The following MAGI2 variants were observed in gnomAD, a reference collection of about 807,000 sequenced individuals.
The protein encoded by MAGI2 is membrane-associated guanylate kinase, WW and PDZ domain-containing protein 2.
In MAGI2, 35 loss-of-function variants were observed where a neutral mutation model predicts 133.3. That is an observed-to-expected ratio of 0.26 (90% confidence interval 0.20 to 0.35). The LOEUF is 0.35. Ranked by LOEUF, MAGI2 falls within the 10% of genes least tolerant of loss-of-function variation. The pLI is 1.00. For missense variants in MAGI2, 1,636 were observed against 1,863.4 expected (o/e 0.88, Z 2.25); for synonymous variants, 729 against 710.6 (o/e 1.03, Z -0.41).
rs3972360 is a variant in MAGI2, at chr7:78,177,418, G to GCA, written c.2403+591_2403+592dup. 3.5e-3 allele frequency among the ~76,000 whole-genome samples: 420 copies of GCA among 120,336 alleles called. 1 individual carries two copies. Among genetic ancestry groups the GCA allele is most frequent in the African/African-American group, 0.01 (335 of 33,296 alleles). 78.9% of individuals were successfully genotyped at this position (120,336 alleles called of 152,430 possible). On this transcript the variant is annotated intron_variant, in intron 14 of 21. Transcript: ENST00000354212. ...ATTTTATGTTTCACTGTGAATACGC[G>GCA]CACACACACACACACACACACACAC...
chr7:78,634,930 ATTAT>A (rs1336346140), intron 2 of MAGI2, among the ~76,000 whole-genome samples: 5 of 152,110 alleles, frequency 3.3e-5, no homozygotes, highest in Admixed American at 1.3e-4. Flanking sequence ...TTTTATTCTT[ATTAT>A]TTATTCCAGA....
intron 9 of MAGI2, chr7:78,285,614 G>T (rs768711731): frequency 7.9e-5 from 12 of 152,104 alleles, no homozygotes; most frequent in Non-Finnish European, 1.3e-4. Flanking sequence ...GCCCATGGTC[G>T]CCAGAGTTCT....
At chr7:79,317,553 C>T (rs893616176) in intron 1 of MAGI2, among the ~76,000 whole-genome samples, 1 of 152,124 alleles carries the variant, frequency 6.6e-6, no homozygotes, top group African/African-American at 2.4e-5. Flanking sequence ...TCAGGGATAT[C>T]AAAGTAATCA....
At chr7:78,460,844 C>T (rs1400902423) in intron 6 of MAGI2, among the ~76,000 whole-genome samples, 1 of 152,070 alleles carries the variant, frequency 6.6e-6, no homozygotes, top group Non-Finnish European at 1.5e-5. Context: ...TATGTAAGTC[C>T]TCAATAAACC....
intron 2 of MAGI2, among the ~76,000 whole-genome samples, chr7:78,733,319 C>CTG (rs1821545547): frequency 6.6e-6 from 1 of 152,150 alleles, no homozygotes; most frequent in African/African-American, 2.4e-5. Flanking sequence ...TTTCCCAATA[C>CTG]TGTCTTGTCC....
At chr7:79,038,772 G>A (rs1811348200) in intron 1 of MAGI2, among the ~76,000 whole-genome samples, 1 of 152,098 alleles carries the variant, frequency 6.6e-6, no homozygotes, top group Non-Finnish European at 1.5e-5. Context: ...AAAATATACT[G>A]CTGTAATGCA....
At chr7:79,368,844 T>C (rs1339947123) in intron 1 of MAGI2, among the ~76,000 whole-genome samples, 3 of 81,766 alleles carry the variant, frequency 3.7e-5, no homozygotes, top group African/African-American at 1.6e-4. Flanking sequence ...CGAGACTCCG[T>C]CTCAAAAAAA....
intron 2 of MAGI2, among the ~76,000 whole-genome samples, chr7:78,874,969 G>A (rs1799024): frequency 0.54 from 82,274 of 151,798 alleles, 24,132 homozygotes; most frequent in Middle Eastern, 0.69. Context: ...AGAAATCAGA[G>A]ATTTACCCTT....
intron 2 of MAGI2, among the ~76,000 whole-genome samples, chr7:78,728,767 G>A (rs369781446): frequency 2.3e-5 from 3 of 131,454 alleles, no homozygotes; most frequent in Non-Finnish European, 5.0e-5. Flanking sequence ...GGGTTTCACC[G>A]TTTTAGCCGG....
chr7:78,356,824 A>T (rs1541482), intron 7 of MAGI2, among the ~76,000 whole-genome samples: 1 of 151,980 alleles, frequency 6.6e-6, no homozygotes, highest in Non-Finnish European at 1.5e-5. Context: ...GGTATCCTCA[A>T]TCTCACTGAG....
At chr7:78,180,345 T>G (rs1188489908) in intron 13 of MAGI2, among the ~76,000 whole-genome samples, 1 of 152,188 alleles carries the variant, frequency 6.6e-6, no homozygotes, top group African/African-American at 2.4e-5. Flanking sequence ...TCCATCTTAT[T>G]TGCTACGTAA....
chr7:78,664,930 T>C (rs529293412), intron 2 of MAGI2, among the ~76,000 whole-genome samples: 7 of 152,208 alleles, frequency 4.6e-5, no homozygotes, highest in Non-Finnish European at 8.8e-5. Context: ...CCTTACTTTA[T>C]TCTATGTATA....
intron 3 of MAGI2, chr7:78,618,914 A>G (rs1437822060): frequency 2.0e-5 from 3 of 150,924 alleles, no homozygotes; most frequent in Admixed American, 6.6e-5. Flanking sequence ...CAAAGGGTAC[A>G]AAGTTTCAGT....
intron 2 of MAGI2, among the ~76,000 whole-genome samples, chr7:78,973,766 GC>G (rs546584095): frequency 5.0e-4 from 76 of 151,892 alleles, no homozygotes; most frequent in Non-Finnish European, 1.0e-3. Flanking sequence ...CTTTCTGGTT[GC>G]CCTGCTGTAT....
chr7:79,376,736 G>C lies in MAGI2; in HGVS notation c.301+76284C>G, dbSNP rs146882759. Among the ~76,000 whole-genome samples, 70 of 151,818 alleles carry C rather than the reference G, an allele frequency of 4.6e-4. No homozygotes were observed. The East Asian group carries it at 0.013, about 28-fold the overall frequency. On this transcript the variant is annotated intron_variant, in intron 1 of 21. Coordinates refer to ENST00000354212, the MANE Select transcript of MAGI2 (RefSeq NM_012301.4). ...GTTTCAAATAAATGAATTAATTTCTGGAATTTTTCATTTAATATTTATGTA... is the reference window on the plus strand; with the variant it reads ...GTTTCAAATAAATGAATTAATTTCTCGAATTTTTCATTTAATATTTATGTA...
chr7:79,014,042 T>C (rs940419214), intron 1 of MAGI2, among the ~76,000 whole-genome samples: 2 of 152,156 alleles, frequency 1.3e-5, no homozygotes, highest in Admixed American at 6.5e-5. Flanking sequence ...ATGTTTTGTA[T>C]AAGAAATGGA....
chr7:78,144,661 T>A (rs1823110862), intron 16 of MAGI2, among the ~76,000 whole-genome samples: 1 of 152,162 alleles, frequency 6.6e-6, no homozygotes, highest in Non-Finnish European at 1.5e-5. Flanking sequence ...CAGACGTAGG[T>A]AGTTTGCTCT....
At chr7:79,320,435 C>T (rs1328243062) in intron 1 of MAGI2, among the ~76,000 whole-genome samples, 2 of 152,032 alleles carry the variant, frequency 1.3e-5, no homozygotes, top group African/African-American at 2.4e-5. Context: ...ATTTGCCCTT[C>T]ATAGGTGTAA....
intron 7 of MAGI2, among the ~76,000 whole-genome samples, chr7:78,346,799 G>A (rs756279836): frequency 6.6e-6 from 1 of 152,118 alleles, no homozygotes; most frequent in African/African-American, 2.4e-5. Flanking sequence ...TGCTTTTAGT[G>A]GTGGGCCTAT....
Sources: gnomAD v4.1 joint callset for allele counts (sites outside exome capture counted in the v4.1 genomes callset) on GRCh38, gnomAD v4.1.1 for gene constraint, MANE v1.5 for transcripts, NCBI Gene and HGNC (gene_info 2026-07-23, HGNC 2026-07-21) for gene names.